The following SLC16A3 variants were observed in gnomAD, a reference collection of about 807,000 sequenced individuals.
SLC16A3 encodes solute carrier family 16 member 3, also known as monocarboxylate transporter 4.
Under a neutral mutation model 25.0 loss-of-function variants are expected in SLC16A3, and 22 were observed. The observed-to-expected ratio is 0.88, with a 90% CI of 0.63 to 1.26. The LOEUF (loss-of-function observed/expected upper bound fraction) is 1.26. Among genes scored for constraint, SLC16A3 ranks in the 50% most tolerant of loss-of-function variants. The pLI is 0.00. For synonymous variants in SLC16A3, 390 were observed against 309.2 expected (o/e 1.26, Z -2.74); for missense variants, 731 against 666.6 (o/e 1.10, Z -1.06).
upstream of SLC16A3, among the ~76,000 whole-genome samples, chr17:82,225,133 G>A (rs1171291264): frequency 1.3e-5 from 2 of 152,178 alleles, no homozygotes; most frequent in Non-Finnish European, 2.9e-5. Context: ...GTAGTGGCAG[G>A]TGCCGGTAAC....
At chr17:82,231,717 T>C in intron 1 of SLC16A3, 1 of 152,400 alleles carries the variant, frequency 6.6e-6, no homozygotes, top group Non-Finnish European at 1.5e-5. Flanking sequence ...CAGCCCCACT[T>C]GGGGCACCAG....
chr17:82,237,896 G>A lies in SLC16A3; in HGVS notation c.1123+3G>A, dbSNP rs776995574. ...GCTCGTCGGGCCCCCTTCGGGAGGT[G>A]AGCGCTGCGCCCCCAGGCAGTTCCC... On this transcript the variant is annotated splice_donor_region_variant and intron_variant, in intron 4 of 4. Coordinates refer to ENST00000582743, the MANE Select transcript of SLC16A3 (RefSeq NM_004207.4). 5.6e-6 allele frequency: 9 copies of A among 1,596,798 alleles called. No individual in the cohort carries two copies. Among genetic ancestry groups the A allele is most frequent in the East Asian group, 2.2e-5 (1 of 44,858 alleles).
intron 1 of SLC16A3, chr17:82,235,287 G>C (rs1383893660): frequency 6.5e-6 from 1 of 153,710 alleles, no homozygotes; most frequent in East Asian, 1.9e-4. Context: ...GGAGGCAAGG[G>C]GGCATCCAGG....
At chr17:82,227,102 G>A (rs984777782), upstream of SLC16A3, among the ~76,000 whole-genome samples, 13 of 152,162 alleles carry the variant, frequency 8.5e-5, no homozygotes, top group Admixed American at 2.6e-4. Context: ...CCACACCCAG[G>A]GGAAGCCATG....
At chr17:82,237,007 C>T (rs901482887) in intron 3 of SLC16A3, 131 bp from the exon 4 acceptor site, 4 of 1,460,006 alleles carry the variant, frequency 2.7e-6, no homozygotes, top group Non-Finnish European at 3.7e-6. Flanking sequence ...CGTTGTCCCC[C>T]TCTCGAGTGG....
At chr17:82,228,002 T>G (rs1017908936), upstream of SLC16A3, among the ~76,000 whole-genome samples, 1 of 151,864 alleles carries the variant, frequency 6.6e-6, no homozygotes, top group Admixed American at 6.6e-5. Flanking sequence ...TCTGGAGGGG[T>G]CCTCCATTGA....
intron 4 of SLC16A3, 72 bp from the exon 5 acceptor site, chr17:82,238,622 CGAGACACA>C: frequency 2.1e-6 from 3 of 1,421,620 alleles, no homozygotes; most frequent in Non-Finnish European, 2.8e-6. Context: ...GCTGAGACAC[CGAGACACA>C]GGCTTGGGTG....
At position 82,239,411 on chromosome 17, in the gene SLC16A3, T is replaced by C; in HGVS notation, c.*435T>C. 1 of 174,604 alleles carries C rather than the reference T, an allele frequency of 5.7e-6. No homozygotes were observed. The highest frequency in any genetic ancestry group is 1.8e-4 in the South Asian group (1 of 5,560). The allele number at this position is 174,604 out of a possible 1,614,324, so 10.8% of individuals were successfully genotyped here. A position where few individuals can be genotyped will look rare whatever the true frequency, so the allele number is the denominator to read the frequency against. On this transcript the variant is annotated 3_prime_UTR_variant, in exon 5 of 5. Coordinates refer to ENST00000582743, the MANE Select transcript of SLC16A3 (RefSeq NM_004207.4). ...GGGGCCTGTGCCCACCCCTCTTGAG[T>C]GTCTTGGGGACAGCTCTTTCCACCC...
upstream of SLC16A3, among the ~76,000 whole-genome samples, chr17:82,226,046 T>C (rs1368008493): frequency 2.0e-5 from 3 of 151,404 alleles, no homozygotes; most frequent in Admixed American, 6.6e-5. Context: ...AAGGTGGGAC[T>C]GCGCACCCCA....
intron 1 of SLC16A3, among the ~76,000 whole-genome samples, chr17:82,221,957 C>G (rs575810973): frequency 2.2e-4 from 33 of 152,364 alleles, no homozygotes; most frequent in Admixed American, 6.5e-4. Flanking sequence ...GAACACCCTG[C>G]TGAGAATGGA....
At chr17:82,220,596 T>A (rs2050383178) in intron 1 of SLC16A3, among the ~76,000 whole-genome samples, 2 of 151,968 alleles carry the variant, frequency 1.3e-5, no homozygotes, top group South Asian at 4.2e-4. Context: ...TACAGTGAGA[T>A]CCTGTCTCTA....
chr17:82,222,286 C>A lies in SLC16A3; in HGVS notation c.-27+4102C>A, dbSNP rs575771673. 8.9e-4 allele frequency among the ~76,000 whole-genome samples: 122 copies of A among 137,834 alleles called. 2 individuals are homozygous for A. Among genetic ancestry groups the A allele is most frequent in the African/African-American group, 3.0e-3 (105 of 35,198 alleles). The allele number at this position is 137,834 out of a possible 152,430, so 90.4% of individuals were successfully genotyped here. ...CCTGGGACCCCCAACTCCGCTCCCA[C>A]GTTCGTGGAGACGAGTGTCGCCCTG... On this transcript the variant is annotated intron_variant, in intron 1 of 4. Transcript: ENST00000580098.
At chr17:82,227,155 G>A (rs2050427896), upstream of SLC16A3, among the ~76,000 whole-genome samples, 1 of 152,146 alleles carries the variant, frequency 6.6e-6, no homozygotes, top group Non-Finnish European at 1.5e-5. Flanking sequence ...CAAACCACAG[G>A]TGCTCCCTGG....
chr17:82,232,026 A>G (rs1445008207), intron 1 of SLC16A3: 1 of 152,228 alleles, frequency 6.6e-6, no homozygotes, highest in East Asian at 1.9e-4. Context: ...CTGCGGGGGA[A>G]GAAGGGAACT....
At chr17:82,237,041 C>A (rs1024735297) in intron 3 of SLC16A3, 97 bp from the exon 4 acceptor site, 7 of 1,459,488 alleles carry the variant, frequency 4.8e-6, no homozygotes, top group Non-Finnish European at 6.4e-6. Flanking sequence ...GCTCTGCACC[C>A]TGGGAGCCTG....
At chr17:82,221,120 A>C (rs1354955626) in intron 1 of SLC16A3, among the ~76,000 whole-genome samples, 2 of 152,096 alleles carry the variant, frequency 1.3e-5, no homozygotes, top group Non-Finnish European at 2.9e-5. Flanking sequence ...TGCCTGGCCC[A>C]GATTTTTGAT....
upstream of SLC16A3, chr17:82,228,984 G>C (rs1175252384): frequency 6.7e-6 from 1 of 149,518 alleles, no homozygotes; most frequent in Non-Finnish European, 1.5e-5. Flanking sequence ...ACGTGCGCGG[G>C]GGACGTGCCG....
intron 4 of SLC16A3, among the ~76,000 whole-genome samples, chr17:82,238,393 T>A (rs1049428987): frequency 6.6e-5 from 10 of 152,140 alleles, no homozygotes; most frequent in African/African-American, 2.4e-4. Flanking sequence ...GTAGGGCTTC[T>A]GGGGCTGCCG....
At chr17:82,228,666 T>C (rs911606498), upstream of SLC16A3, 1 of 151,810 alleles carries the variant, frequency 6.6e-6, no homozygotes, top group Admixed American at 6.6e-5. Flanking sequence ...GGGCGAGGGG[T>C]CGCTGCCCTG....
Sources: allele counts gnomAD v4.1 joint callset (sites outside exome capture counted in the v4.1 genomes callset), GRCh38; gene constraint gnomAD v4.1.1; transcripts MANE v1.5; gene names NCBI Gene and HGNC (gene_info 2026-07-23, HGNC 2026-07-21).